Variants in LMO1 observed in about 807,000 individuals in gnomAD.
LMO1 encodes LIM domain only 1.
In LMO1, 10 loss-of-function variants were observed where a neutral mutation model predicts 18.0. The observed-to-expected ratio is 0.55, with a 90% CI of 0.34 to 0.94. The LOEUF (loss-of-function observed/expected upper bound fraction) is 0.94, where lower values mean the gene tolerates loss of function less well. LMO1 is among the 40% of genes least tolerant of loss of function. The probability of loss-of-function intolerance (pLI) is 0.02; values close to 1 mark genes in which losing one functional copy is unlikely to be tolerated. For missense variants in LMO1, 183 were observed against 205.7 expected, an observed-to-expected ratio of 0.89 and a Z score of 0.68; for synonymous variants, 77 against 77.9, an observed-to-expected ratio of 0.99 and a Z score of 0.06.
intron 1 of LMO1, among the ~76,000 whole-genome samples, chr11:8,232,111 G>A (rs1357684394): frequency 1.3e-5 from 2 of 152,130 alleles, no homozygotes; most frequent in African/African-American, 4.8e-5. Flanking sequence ...GGACAGGTGA[G>A]TCTGGGGAGC....
chr11:8,262,574 G>A (rs1453804399), intron 1 of LMO1, among the ~76,000 whole-genome samples: 2 of 152,188 alleles, frequency 1.3e-5, no homozygotes, highest in Non-Finnish European at 2.9e-5. Flanking sequence ...CCCGTGCCCT[G>A]CAGTTTTCTA....
chr11:8,251,457 GGGGCCCT>G (rs1320995595), intron 1 of LMO1, among the ~76,000 whole-genome samples: 6 of 152,206 alleles, frequency 3.9e-5, no homozygotes, highest in Non-Finnish European at 8.8e-5. Context: ...GGAAAGAAGC[GGGGCCCT>G]CAATCCAACA....
At position 8,230,207 on chromosome 11, in the gene LMO1, C is replaced by T. The variant is rs528679914; in HGVS notation, c.239+84G>A. 4.7e-5 allele frequency: 59 copies of T among 1,252,938 alleles called. No individual in the cohort carries two copies. The East Asian group carries it at 7.9e-4, about 17-fold the overall frequency. 77.6% of individuals were successfully genotyped at this position (1,252,938 alleles called of 1,614,324 possible). ...ACACACAGGGTACTGGGTCTAGGGCCGGGGGCACAGTCACGCTGGGGCTGA... is the reference window on the plus strand; with the variant it reads ...ACACACAGGGTACTGGGTCTAGGGCTGGGGGCACAGTCACGCTGGGGCTGA... On this transcript the variant is annotated intron_variant, in intron 2 of 3. Coordinates refer to ENST00000335790, the MANE Select transcript of LMO1 (RefSeq NM_002315.3).
At chr11:8,263,992 G>A, upstream of LMO1, 6 of 424,280 alleles carry the variant, frequency 1.4e-5, no homozygotes, top group African/African-American at 2.1e-5. Context: ...GCCACCTGGA[G>A]GCTTCTAGGT....
At chr11:8,262,229 G>T (rs1045470489) in intron 1 of LMO1, among the ~76,000 whole-genome samples, 3 of 152,220 alleles carry the variant, frequency 2.0e-5, no homozygotes, top group Non-Finnish European at 4.4e-5. Context: ...GATTCCCGCT[G>T]ACTCAAAGCA....
chr11:8,242,817 A>G (rs1846818514), intron 1 of LMO1, among the ~76,000 whole-genome samples: 1 of 152,252 alleles, frequency 6.6e-6, no homozygotes, highest in Non-Finnish European at 1.5e-5. Flanking sequence ...GGACGTGAGC[A>G]CCAGCGCGCT....
intron 1 of LMO1, among the ~76,000 whole-genome samples, chr11:8,235,679 A>T (rs1192574397): frequency 1.3e-5 from 2 of 152,232 alleles, no homozygotes; most frequent in Non-Finnish European, 2.9e-5. Flanking sequence ...TTTGAAGAGT[A>T]CAGGCCAGTC....
chr11:8,267,603 G>A (rs557906652), upstream of LMO1, among the ~76,000 whole-genome samples: 1 of 152,212 alleles, frequency 6.6e-6, no homozygotes, highest in African/African-American at 2.4e-5. Context: ...TGGAAATTTT[G>A]TGAGGTCCAA....
intron 2 of LMO1, among the ~76,000 whole-genome samples, chr11:8,229,328 A>C (rs1486907379): frequency 1.3e-5 from 2 of 152,110 alleles, no homozygotes; most frequent in Non-Finnish European, 2.9e-5. Flanking sequence ...CAGTCAAAGG[A>C]TCTTTGGGGA....
chr11:8,237,182 G>C (rs932846287), intron 1 of LMO1, among the ~76,000 whole-genome samples: 2 of 151,990 alleles, frequency 1.3e-5, no homozygotes, highest in Non-Finnish European at 2.9e-5. Context: ...TCTGGGTCTC[G>C]GGGGTCTGGG....
intron 1 of LMO1, among the ~76,000 whole-genome samples, chr11:8,239,691 G>A (rs1038041042): frequency 6.6e-6 from 1 of 152,186 alleles, no homozygotes; most frequent in African/African-American, 2.4e-5. Context: ...CCAGCTCAGG[G>A]TGAGACATTT....
intron 2 of LMO1, among the ~76,000 whole-genome samples, chr11:8,229,463 C>T (rs113283653): frequency 1.5e-3 from 235 of 152,322 alleles, no homozygotes; most frequent in African/African-American, 3.5e-3. Flanking sequence ...CCCACAAGCC[C>T]GGCAACCATC....
chr11:8,256,455 T>C (rs1008550078), intron 1 of LMO1, among the ~76,000 whole-genome samples: 2 of 152,180 alleles, frequency 1.3e-5, no homozygotes, highest in Non-Finnish European at 2.9e-5. Context: ...CCAGTTGACC[T>C]CCAGGGGAAG....
At chr11:8,249,329 A>G (rs453061) in intron 1 of LMO1, among the ~76,000 whole-genome samples, 146,347 of 152,236 alleles carry the variant, frequency 0.96, 70,478 homozygotes, top group East Asian at 0.99. Context: ...AGGTCCATCT[A>G]TAAAGCTGAA....
chr11:8,264,370 A>C (rs904834128), upstream of LMO1, among the ~76,000 whole-genome samples: 5 of 152,116 alleles, frequency 3.3e-5, no homozygotes, highest in Admixed American at 6.5e-5. Flanking sequence ...TCATTCTACA[A>C]ATATTTACTG....
chr11:8,250,116 G>T (rs1406551831), intron 1 of LMO1, among the ~76,000 whole-genome samples: 1 of 151,828 alleles, frequency 6.6e-6, no homozygotes, highest in Non-Finnish European at 1.5e-5. Flanking sequence ...GGTGACTATT[G>T]GCTTACGATC....
rs903547223 is a variant in LMO1 at position 8,226,131 on chromosome 11, A to G, written c.365+844T>C. Among the ~76,000 whole-genome samples, 3 of 152,170 alleles carry G rather than the reference A, an allele frequency of 2.0e-5. No homozygotes were observed. The South Asian group carries it at 6.2e-4, about 31-fold the overall frequency. On this transcript the variant is annotated intron_variant, in intron 3 of 3. Transcript: ENST00000335790. ...CCTTCTCACTGGAACATACATGCAC[A>G]CACATGCACATACTATACACTGGGT...
rs368070099 is a variant in LMO1 at position 8,263,374 on chromosome 11, C to A, written c.-12G>T. The A allele has an allele frequency of 3.3e-5, 53 of 1,604,334 alleles. No individual in the cohort carries two copies. The highest frequency in any genetic ancestry group is 1.8e-4 in the Admixed American group (11 of 59,798). On this transcript the variant is annotated 5_prime_UTR_variant, in exon 1 of 4. Coordinates refer to ENST00000335790, the MANE Select transcript of LMO1 (RefSeq NM_002315.3). ...TCCAGCACCATCATCTCGGGCGCTCCGTGTCCAGCCGCAGCTAGGCTCGGC... is the reference window on the plus strand; with the variant it reads ...TCCAGCACCATCATCTCGGGCGCTCAGTGTCCAGCCGCAGCTAGGCTCGGC...
At chr11:8,242,996 T>G (rs938572598) in intron 1 of LMO1, among the ~76,000 whole-genome samples, 1 of 152,224 alleles carries the variant, frequency 6.6e-6, no homozygotes, top group Admixed American at 6.5e-5. Context: ...TGCCGGGTCC[T>G]GCTTCCTTCT....
Sources: gnomAD v4.1 joint callset for allele counts (sites outside exome capture counted in the v4.1 genomes callset) on GRCh38, gnomAD v4.1.1 for gene constraint, MANE v1.5 for transcripts, NCBI Gene and HGNC (gene_info 2026-07-23, HGNC 2026-07-21) for gene names.